Variants in DPP6 observed in about 807,000 individuals in gnomAD.
DPP6 encodes the protein A-type potassium channel modulatory protein DPP6.
Under a neutral mutation model 122.6 loss-of-function variants are expected in DPP6, and 69 were observed. The ratio of observed to expected loss-of-function variants is 0.56; its 90% CI spans 0.46 to 0.69. DPP6 has a LOEUF of 0.69. DPP6 is among the 30% of genes least tolerant of loss of function. The pLI is 0.00. For missense variants in DPP6, 928 were observed against 1,116.9 expected (o/e 0.83, Z 2.41); for synonymous variants, 418 against 433.1 (o/e 0.97, Z 0.43).
the DPP6 span, among the ~76,000 whole-genome samples, chr7:153,861,950 T>C: frequency 2.2e-4 from 33 of 152,180 alleles, no homozygotes; most frequent in Non-Finnish European, 4.6e-4. Context: ...GCTCTAATGA[T>C]TGCAGCTGTC....
intron 1 of DPP6, among the ~76,000 whole-genome samples, chr7:154,029,427 G>A (rs1799113249): frequency 1.3e-5 from 2 of 152,100 alleles, no homozygotes; most frequent in Admixed American, 1.3e-4. Flanking sequence ...TGAAGCAGGA[G>A]CATGGCGTGA....
chr7:154,164,492 C>A (rs1226585671), intron 1 of DPP6, among the ~76,000 whole-genome samples: 3 of 152,122 alleles, frequency 2.0e-5, no homozygotes, highest in Admixed American at 6.5e-5. Context: ...ACCATAAAAT[C>A]TACCCTTTTA....
intron 3 of DPP6, among the ~76,000 whole-genome samples, chr7:154,497,267 G>T (rs1824826501): frequency 6.6e-6 from 1 of 152,136 alleles, no homozygotes; most frequent in Non-Finnish European, 1.5e-5. Context: ...GACTGAGGAA[G>T]GCGGAGGAAG....
At chr7:154,039,300 T>G (rs1799654059) in intron 1 of DPP6, among the ~76,000 whole-genome samples, 1 of 148,148 alleles carries the variant, frequency 6.8e-6, no homozygotes, top group Non-Finnish European at 1.5e-5. Context: ...TTTTTGAAAC[T>G]GATTGAAAAC....
intron 1 of DPP6, among the ~76,000 whole-genome samples, chr7:154,186,776 C>T (rs1798374247): frequency 6.6e-6 from 1 of 152,220 alleles, no homozygotes; most frequent in Admixed American, 6.5e-5. Flanking sequence ...TGTCTCAATT[C>T]TGAATTATTC....
chr7:153,749,044 G>A, the DPP6 span, among the ~76,000 whole-genome samples: 3 of 152,160 alleles, frequency 2.0e-5, no homozygotes, highest in Admixed American at 6.5e-5. The surrounding 1 kb of genome is among the most constrained non-coding windows in gnomAD (Gnocchi z 4.1). Context: ...TTGTGCGGGG[G>A]CGTGGGGCGC....
At chr7:154,643,467 CTT>C (rs61520162) in intron 6 of DPP6, among the ~76,000 whole-genome samples, 31,554 of 117,606 alleles carry the variant, frequency 0.27, 3,145 homozygotes, top group East Asian at 0.32. Context: ...TGAGTAATTT[CTT>C]TTTTTTTTTT....
chr7:153,818,193 T>C, the DPP6 span, among the ~76,000 whole-genome samples: 2 of 151,742 alleles, frequency 1.3e-5, no homozygotes, highest in African/African-American at 2.4e-5. Flanking sequence ...ACCAAGAAAG[T>C]GCATATTAAA....
At chr7:153,856,461 G>C in the DPP6 span, among the ~76,000 whole-genome samples, 1 of 152,140 alleles carries the variant, frequency 6.6e-6, no homozygotes, top group Non-Finnish European at 1.5e-5. Context: ...CATTTTCATT[G>C]ACATCCTATT....
the DPP6 span, among the ~76,000 whole-genome samples, chr7:153,797,604 G>C: frequency 6.6e-6 from 1 of 152,262 alleles, no homozygotes; most frequent in Non-Finnish European, 1.5e-5. Context: ...CTAGCAAGCT[G>C]ACTCAGCCTG....
At chr7:154,836,475 A>G (rs1424534583) in intron 16 of DPP6, among the ~76,000 whole-genome samples, 1 of 152,208 alleles carries the variant, frequency 6.6e-6, no homozygotes, top group Non-Finnish European at 1.5e-5. Context: ...GGAGAGAAGT[A>G]ATTAAAATTG....
intron 1 of DPP6, among the ~76,000 whole-genome samples, chr7:154,277,127 C>A (rs982129550): frequency 2.6e-5 from 4 of 152,168 alleles, no homozygotes; most frequent in African/African-American, 9.7e-5. Context: ...CATGTTCAGA[C>A]CCAGCTAGGA....
At chr7:154,098,840 C>G (rs920094594) in intron 1 of DPP6, among the ~76,000 whole-genome samples, 12 of 152,136 alleles carry the variant, frequency 7.9e-5, no homozygotes, top group African/African-American at 2.7e-4. Flanking sequence ...GATAATGATA[C>G]TTGCACTAGT....
At chr7:154,285,722 A>G (rs1211203796) in intron 1 of DPP6, among the ~76,000 whole-genome samples, 1 of 152,244 alleles carries the variant, frequency 6.6e-6, no homozygotes, top group Non-Finnish European at 1.5e-5. Flanking sequence ...TATTTCCCTG[A>G]GAAAAGGTAT....
At chr7:154,856,535 G>C (rs1211502901) in intron 17 of DPP6, among the ~76,000 whole-genome samples, 2 of 152,328 alleles carry the variant, frequency 1.3e-5, no homozygotes, top group Admixed American at 1.3e-4. Context: ...GAGAGTCCCA[G>C]TAAGAATTGA....
chr7:154,354,768 A>G (rs1356403647), intron 1 of DPP6, among the ~76,000 whole-genome samples: 2 of 152,150 alleles, frequency 1.3e-5, no homozygotes, highest in African/African-American at 2.4e-5. Flanking sequence ...ATGTAGCACC[A>G]TTTATTCCTT....
chr7:154,151,785 C>T (rs1184845257), intron 1 of DPP6, among the ~76,000 whole-genome samples: 8 of 151,988 alleles, frequency 5.3e-5, no homozygotes, highest in African/African-American at 1.7e-4. Flanking sequence ...TAACATCATG[C>T]TCCCCAATAA....
At chr7:154,552,626 G>A (rs953319493) in intron 4 of DPP6, among the ~76,000 whole-genome samples, 1 of 152,190 alleles carries the variant, frequency 6.6e-6, no homozygotes, top group Admixed American at 6.5e-5. Flanking sequence ...AGAAATTAAG[G>A]CTGAAATAAC....
intron 1 of DPP6, among the ~76,000 whole-genome samples, chr7:154,408,480 A>T (rs1380952173): frequency 1.3e-5 from 2 of 152,146 alleles, no homozygotes; most frequent in Non-Finnish European, 2.9e-5. Context: ...GAATAATGTT[A>T]GATTTACAGA....
Sources: gnomAD v4.1 joint callset for allele counts (sites outside exome capture counted in the v4.1 genomes callset) on GRCh38, gnomAD v4.1.1 for gene constraint, Gnocchi (gnomAD v3.1) non-coding constraint, MANE v1.5 for transcripts, NCBI Gene and HGNC (gene_info 2026-07-23, HGNC 2026-07-21) for gene names.